The following CAVIN4 variants were observed in gnomAD, a reference collection of about 807,000 sequenced individuals.
CAVIN4 encodes the protein caveolae associated protein 4, also known as caveolae-associated protein 4.
A neutral mutation model predicts 18.6 loss-of-function variants in CAVIN4; 10 were observed. The ratio of observed to expected loss-of-function variants is 0.54; its 90% CI spans 0.33 to 0.91. CAVIN4 has a LOEUF of 0.91. CAVIN4 is among the 40% of genes least tolerant of loss of function. The probability of loss-of-function intolerance (pLI) is 0.02; values close to 1 mark genes in which losing one functional copy is unlikely to be tolerated. For missense variants in CAVIN4, 459 were observed against 440.5 expected (o/e 1.04, Z -0.38); for synonymous variants, 173 against 164.8 (o/e 1.05, Z -0.38).
chr9:100,582,614 T>C (rs913006747), intron 1 of CAVIN4, among the ~76,000 whole-genome samples: 2 of 152,172 alleles, frequency 1.3e-5, no homozygotes, highest in Admixed American at 6.5e-5. Context: ...ATTATAGGCA[T>C]GAGCCACTGC....
At chr9:100,577,216 T>G (rs1839367628), upstream of CAVIN4, 2 of 152,744 alleles carry the variant, frequency 1.3e-5, no homozygotes, top group South Asian at 4.1e-4. Flanking sequence ...CAATGAAAAG[T>G]AGATATAGAT....
chr9:100,585,524 C>G (rs996433823), intron 1 of CAVIN4, among the ~76,000 whole-genome samples: 1 of 152,172 alleles, frequency 6.6e-6, no homozygotes, highest in Non-Finnish European at 1.5e-5. Flanking sequence ...AGATAAAATA[C>G]ATGTGAGTTT....
Position 100,578,514 on chromosome 9 carries a change from T to A in CAVIN4, c.371T>A (p.Ile124Lys). 6.2e-7 allele frequency: 1 copy of A among 1,613,582 alleles called. No individual in the cohort carries two copies. The highest frequency in any genetic ancestry group is 8.5e-7 in the Non-Finnish European group (1 of 1,179,946). ...VKKVEVKQEE[I>K]MKKNKFRVVI... ...AAAGTTGAAGTCAAGCAAGAGGAAA[T>A]AATGAAGAAAAACAAATTCCGCGTG... Residue 124 changes from isoleucine (I) to lysine (K), a missense_variant, in exon 1 of 2, where the codon ATA becomes AAA. Ile to Lys is a moderately radical substitution (Grantham distance 102). Coordinates refer to ENST00000307584, the MANE Select transcript of CAVIN4 (RefSeq NM_001018116.2).
intron 1 of CAVIN4, among the ~76,000 whole-genome samples, chr9:100,585,561 G>A (rs1014960020): frequency 6.6e-6 from 1 of 152,194 alleles, no homozygotes; most frequent in Non-Finnish European, 1.5e-5. Flanking sequence ...GAAAAATGGA[G>A]TGGTTAAGGT....
At chr9:100,579,882 T>TAGA (rs1480115716) in intron 1 of CAVIN4, among the ~76,000 whole-genome samples, 1 of 152,216 alleles carries the variant, frequency 6.6e-6, no homozygotes, top group Non-Finnish European at 1.5e-5. Context: ...CATAGCCCTC[T>TAGA]GTTGACTGAT....
chr9:100,578,632 A>G (rs1244339853), intron 1 of CAVIN4, 81 bp downstream of exon 1: 2 of 1,339,236 alleles, frequency 1.5e-6, no homozygotes, highest in East Asian at 4.6e-5. Flanking sequence ...AGAGGTTTCC[A>G]GTGTCACATC....
intron 1 of CAVIN4, among the ~76,000 whole-genome samples, chr9:100,578,778 C>G (rs1057276930): frequency 2.0e-5 from 3 of 152,186 alleles, no homozygotes; most frequent in African/African-American, 7.2e-5. Flanking sequence ...GTAATATGAA[C>G]TGTGGCTCAT....
intron 1 of CAVIN4, among the ~76,000 whole-genome samples, chr9:100,583,546 C>T (rs1839447801): frequency 6.6e-6 from 1 of 152,212 alleles, no homozygotes; most frequent in Admixed American, 6.5e-5. Flanking sequence ...TGCCCCTACA[C>T]CCTGTTTTCA....
Position 100,578,240 on chromosome 9 carries a change from A to G in CAVIN4, c.97A>G (p.Ile33Val), listed in dbSNP as rs773468407. 20 of 1,613,898 alleles carry G rather than the reference A, an allele frequency of 1.2e-5. No homozygotes were observed. The highest frequency in any genetic ancestry group is 6.7e-5 in the African/African-American group (5 of 74,910). Residue 33 changes from isoleucine to valine, a missense_variant, in exon 1 of 2, where the codon ATT becomes GTT. Transcript: ENST00000307584. ...TGAAGACCAAGACGCTGCTCTTACC[A>G]TTGTGACTGTGCTGGACAAAGTAGC... The part of the protein sequence containing the change: ...EDEDQDAALT[I>V]VTVLDKVASI...
rs1426231145 is a variant in CAVIN4 at position 100,587,259 on chromosome 9, T to TA, written c.*809dup. 1.3e-5 allele frequency: 2 copies of TA among 152,222 alleles called. No individual in the cohort carries two copies. Among genetic ancestry groups the TA allele is most frequent in the Admixed American group, 6.5e-5 (1 of 15,288 alleles). 9.4% of individuals were successfully genotyped at this position (152,222 alleles called of 1,614,324 possible). A position where few individuals can be genotyped will look rare whatever the true frequency, so the allele number is the denominator to read the frequency against. On this transcript the variant is annotated 3_prime_UTR_variant, in exon 2 of 2. Coordinates refer to ENST00000307584, the MANE Select transcript of CAVIN4 (RefSeq NM_001018116.2). Reference sequence around the variant, plus strand: ...GACCACTTTTTCATCAGACTAACTATATCTTGGGTTTTAGTTGGGTCTCAA... The same window carrying TA: ...GACCACTTTTTCATCAGACTAACTATAATCTTGGGTTTTAGTTGGGTCTCAA...
rs761017654 is a variant in CAVIN4, at chr9:100,585,931, A to G, written c.575A>G (p.Lys192Arg). ...SRSARLRKSG[K>R]EHIDNIKKAF... ...TCTGCCAGGCTTAGGAAGTCAGGCA[A>G]GGAGCACATTGATAATATCAAGAAG... is the stretch of plus-strand genomic sequence containing the variant. The change falls in exon 2 of 2, where the codon AAG becomes AGG. Residue 192 changes from lysine (K) to arginine (R), a missense_variant. By Grantham distance (26) the Lys-to-Arg change is conservative. Transcript: ENST00000307584. 7 of 1,614,090 alleles carry G rather than the reference A, an allele frequency of 4.3e-6. No homozygotes were observed. The East Asian group carries it at 1.3e-4, about 31-fold the overall frequency.
chr9:100,582,806 A>G (rs1203297212), intron 1 of CAVIN4, among the ~76,000 whole-genome samples: 1 of 152,166 alleles, frequency 6.6e-6, no homozygotes, highest in African/African-American at 2.4e-5. Flanking sequence ...ATTCTTTAAA[A>G]TATTTTTTAA....
At chr9:100,583,611 CCATTTATTCATTCATTCATT>C (rs759097797) in intron 1 of CAVIN4, among the ~76,000 whole-genome samples, 1 of 143,708 alleles carries the variant, frequency 7.0e-6, no homozygotes, top group Non-Finnish European at 1.5e-5. Context: ...CTCCTGCAAG[CCATTTATTCATTCATTCATT>C]CATTCATTCA....
chr9:100,586,441 A>G lies in CAVIN4; in HGVS notation c.1085A>G (p.His362Arg). Reference sequence around the variant, plus strand: ...GAATCTCTTTTGTTAGATTTAAAGCACTCATCGTAAAGAGGAATTAAGTAT... The same window carrying G: ...GAATCTCTTTTGTTAGATTTAAAGCGCTCATCGTAAAGAGGAATTAAGTAT... ...DDESLLLDLK[H>R]SS The change falls in exon 2 of 2, where the codon CAC becomes CGC. Residue 362 changes from histidine (H) to arginine (R), a missense_variant. His to Arg is a conservative substitution (Grantham distance 29). Coordinates refer to ENST00000307584, the MANE Select transcript of CAVIN4 (RefSeq NM_001018116.2). 6.2e-7 allele frequency: 1 copy of G among 1,612,770 alleles called. No individual in the cohort carries two copies. Among genetic ancestry groups the G allele is most frequent in the Non-Finnish European group, 8.5e-7 (1 of 1,179,758 alleles).
intron 1 of CAVIN4, among the ~76,000 whole-genome samples, chr9:100,583,972 C>T (rs191906469): frequency 2.0e-5 from 3 of 152,308 alleles, no homozygotes; most frequent in Admixed American, 2.0e-4. Flanking sequence ...AAGACTTCCT[C>T]TTATGCTCAG....
chr9:100,587,544 T>A lies in CAVIN4; in HGVS notation c.*1093T>A, dbSNP rs924707463. The A allele has an allele frequency of 7.2e-5, 11 of 152,184 alleles. No individual in the cohort carries two copies. The highest frequency in any genetic ancestry group is 7.2e-4 in the Admixed American group (11 of 15,270). 9.4% of individuals were successfully genotyped at this position (152,184 alleles called of 1,614,324 possible). A position where few individuals can be genotyped will look rare whatever the true frequency, so the allele number is the denominator to read the frequency against. On this transcript the variant is annotated 3_prime_UTR_variant, in exon 2 of 2. Transcript: ENST00000307584. ...AGGAAGCCAGATTCTCCTTATCTTT[T>A]AGCTTTAGATCGTGGAATCCAGGAA...
At position 100,587,137 on chromosome 9, in the gene CAVIN4, C is replaced by T. The variant is rs1839488897; in HGVS notation, c.*686C>T. ...TTACACCTTCTGAAAAAGCCCTCAG[C>T]ACCAATCAATAAGGTCCTAGGTTGG... On this transcript the variant is annotated 3_prime_UTR_variant, in exon 2 of 2. Coordinates refer to ENST00000307584, the MANE Select transcript of CAVIN4 (RefSeq NM_001018116.2). 6.6e-6 allele frequency: 1 copy of T among 152,182 alleles called. No individual in the cohort carries two copies. Among genetic ancestry groups the T allele is most frequent in the African/African-American group, 2.4e-5 (1 of 41,426 alleles). The allele number at this position is 152,182 out of a possible 1,614,324, so 9.4% of individuals were successfully genotyped here.
intron 1 of CAVIN4, among the ~76,000 whole-genome samples, chr9:100,585,480 CAT>C (rs570459248): frequency 5.7e-4 from 87 of 152,262 alleles, no homozygotes; most frequent in African/African-American, 2.1e-3. Context: ...ATCATTCACA[CAT>C]GTGTCTTCAT....
chr9:100,585,217 G>A (rs778240398), intron 1 of CAVIN4, among the ~76,000 whole-genome samples: 1 of 152,182 alleles, frequency 6.6e-6, no homozygotes, highest in Non-Finnish European at 1.5e-5. Flanking sequence ...GAAGAAGGAG[G>A]AGGGAACAGA....
Sources: allele counts gnomAD v4.1 joint callset (sites outside exome capture counted in the v4.1 genomes callset), GRCh38; gene constraint gnomAD v4.1.1; transcripts MANE v1.5; gene names NCBI Gene and HGNC (gene_info 2026-07-23, HGNC 2026-07-21).